CDC42: variants seen among roughly 807,000 people sequenced by gnomAD.
The protein encoded by CDC42 is cell division control protein 42 homolog.
In CDC42, 1 loss-of-function variant was observed where a neutral mutation model predicts 20.8. The observed-to-expected ratio is 0.05, with a 90% CI of 0.02 to 0.23. CDC42 has a LOEUF of 0.23. Among genes scored for constraint, CDC42 ranks in the 10% least tolerant of loss-of-function variants. The pLI is 1.00. For missense variants in CDC42, 49 were observed against 227.9 expected (o/e 0.21, Z 5.05); for synonymous variants, 72 against 84.8 (o/e 0.85, Z 0.83).
In CDC42 at chr1:22,073,499, A is replaced by G. The variant is rs12072869; in HGVS notation, c.-50-4930A>G. On this transcript the variant is annotated intron_variant, in intron 1 of 5. Coordinates refer to ENST00000656825, the MANE Select transcript of CDC42 (RefSeq NM_001791.4). ...GGTTGCAGTGAGCCGAGATCACGCC[A>G]TTGCACTCCAGCCTGGGTGACAGAG... 9.5e-3 allele frequency among the ~76,000 whole-genome samples: 1,436 copies of G among 151,710 alleles called. 22 individuals carry two copies. The highest frequency in any genetic ancestry group is 0.033 in the African/African-American group (1,352 of 41,358).
intron 3 of CDC42, among the ~76,000 whole-genome samples, chr1:22,085,251 A>AAAGAG (rs1330972273): frequency 6.7e-6 from 1 of 150,356 alleles, no homozygotes; most frequent in African/African-American, 2.4e-5. Context: ...AAAAAAAAGA[A>AAAGAG]AAATCATTTG....
Position 22,091,441 on chromosome 1 carries a change from A to C in CDC42, c.500A>C (p.Asn167Thr). The change falls in exon 6 of 6, where the codon AAT (asparagine) becomes ACT (threonine). Residue 167 changes from asparagine (N) to threonine (T), a missense_variant. Asn to Thr is a moderately conservative substitution (Grantham distance 65). Coordinates refer to ENST00000656825, the MANE Select transcript of CDC42 (RefSeq NM_001791.4). ...ACCCCTTTTCAGAAAGGCCTAAAGA[A>C]TGTATTTGACGAAGCAATATTGGCT... ...CSALTQKGLK[N>T]VFDEAILAAL... 6.2e-7 allele frequency: 1 copy of C among 1,612,632 alleles called. No individual in the cohort carries two copies. The highest frequency in any genetic ancestry group is 8.5e-7 in the Non-Finnish European group (1 of 1,178,890).
At chr1:22,071,734 C>T (rs1024533834) in intron 1 of CDC42, among the ~76,000 whole-genome samples, 1 of 152,168 alleles carries the variant, frequency 6.6e-6, no homozygotes, top group Non-Finnish European at 1.5e-5. Flanking sequence ...TCTCTTGATT[C>T]CTGTAGTGCC....
intron 1 of CDC42, among the ~76,000 whole-genome samples, chr1:22,065,689 A>G (rs1233068808): frequency 6.7e-6 from 1 of 149,500 alleles, no homozygotes; most frequent in Non-Finnish European, 1.5e-5. Context: ...AAGTGAAGTA[A>G]CTTGCCAGGA....
intron 1 of CDC42, among the ~76,000 whole-genome samples, chr1:22,062,121 A>G (rs760493644): frequency 6.6e-6 from 1 of 151,614 alleles, no homozygotes; most frequent in Non-Finnish European, 1.5e-5. Flanking sequence ...TTTTTAGTAG[A>G]CACGGGGTTT....
rs561129101 is a variant in CDC42, at chr1:22,077,933, C to T, written c.-50-496C>T. Among the ~76,000 whole-genome samples, 5 of 152,258 alleles carry T rather than the reference C, an allele frequency of 3.3e-5. No homozygotes were observed. In the South Asian group the frequency reaches 1.0e-3, roughly 32 times the overall value. ...TTCCTCACGTTACTCATATAATTAC[C>T]GTGTGATCGTGTGGTGCTCTGCTGC... On this transcript the variant is annotated intron_variant, in intron 1 of 5. Transcript: ENST00000656825.
At chr1:22,082,875 A>ATTTTTTTTTTTTTTTTTTTTTTTT (rs3036839) in intron 3 of CDC42, among the ~76,000 whole-genome samples, 17 of 140,212 alleles carry the variant, frequency 1.2e-4, no homozygotes, top group Non-Finnish European at 1.4e-4. Flanking sequence ...CACAGAGAAA[A>ATTTTTTTTTTTTTTTTTTTTTTTT]TTTTTATTTT....
At chr1:22,057,694 T>C (rs1392974218) in intron 1 of CDC42, among the ~76,000 whole-genome samples, 1 of 151,832 alleles carries the variant, frequency 6.6e-6, no homozygotes, top group Non-Finnish European at 1.5e-5. Context: ...CAAAAACATT[T>C]CTAAATGAAG....
rs34997919 is a variant in CDC42, at chr1:22,066,375, CA to C, written c.-50-12043del. Among the ~76,000 whole-genome samples, 692 of 136,934 alleles carry C rather than the reference CA, an allele frequency of 5.1e-3. 5 individuals carry two copies. Among genetic ancestry groups the C allele is most frequent in the African/African-American group, 0.017 (641 of 37,450 alleles). The allele number at this position is 136,934 out of a possible 152,430, so 89.8% of individuals were successfully genotyped here. A position where few individuals can be genotyped will look rare whatever the true frequency, so the allele number is the denominator to read the frequency against. ...AGGTGACAGAGTGATACCCTGTCTC[CA>C]AAAAAAAAAATCTATTAGAATAAAG... On this transcript the variant is annotated intron_variant, in intron 1 of 5. Coordinates refer to ENST00000656825, the MANE Select transcript of CDC42 (RefSeq NM_001791.4).
Position 22,091,758 on chromosome 1 carries a change from T to G in CDC42, c.*241T>G. ...GAAAAGTGATTAGTACTATTTTTTTTTGTTGTTTCAAAAAAAAAATTTTTG... is the reference window on the plus strand; with the variant it reads ...GAAAAGTGATTAGTACTATTTTTTTGTGTTGTTTCAAAAAAAAAATTTTTG... On this transcript the variant is annotated 3_prime_UTR_variant, in exon 6 of 6. Coordinates refer to ENST00000656825, the MANE Select transcript of CDC42 (RefSeq NM_001791.4). 3.4e-6 allele frequency: 1 copy of G among 293,804 alleles called. No homozygotes were observed. The highest frequency in any genetic ancestry group is 6.2e-6 in the Non-Finnish European group (1 of 161,722). The allele number at this position is 293,804 out of a possible 1,614,324, so 18.2% of individuals were successfully genotyped here. A position where few individuals can be genotyped will look rare whatever the true frequency, so the allele number is the denominator to read the frequency against.
Position 22,093,565 on chromosome 1 carries a change from G to A in CDC42, c.*2048G>A, listed in dbSNP as rs16826569. Among the ~76,000 whole-genome samples, 332 of 152,302 alleles carry A rather than the reference G, an allele frequency of 2.2e-3. 3 individuals are homozygous for A. The highest frequency in any genetic ancestry group is 7.6e-3 in the African/African-American group (315 of 41,556). On this transcript the variant is annotated 3_prime_UTR_variant, in exon 6 of 6. Transcript: ENST00000656825. ...GAACCCTTAAAATCAGTTAAGGTTG[G>A]TACACTGTGGCCTCATTTTGATAGT... is the stretch of plus-strand genomic sequence containing the variant.
chr1:22,071,374 C>T (rs955517083), intron 1 of CDC42, among the ~76,000 whole-genome samples: 9 of 152,088 alleles, frequency 5.9e-5, no homozygotes, highest in African/African-American at 2.2e-4. Flanking sequence ...ACATATAAGG[C>T]CAGCTGTATG....
chr1:22,052,726 C>G lies in CDC42; in HGVS notation c.-67C>G, dbSNP rs1005512728. On this transcript the variant is annotated 5_prime_UTR_variant, in exon 1 of 6. Coordinates refer to ENST00000656825, the MANE Select transcript of CDC42 (RefSeq NM_001791.4). Reference sequence around the variant, plus strand: ...GACCCCGCGCAGTGCTGCCAACGCCCCGGTGGAGAAGCTGAGGTGAGTGCG... The same window carrying G: ...GACCCCGCGCAGTGCTGCCAACGCCGCGGTGGAGAAGCTGAGGTGAGTGCG... 1.3e-5 allele frequency: 2 copies of G among 152,826 alleles called. No individual in the cohort carries two copies. The highest frequency in any genetic ancestry group is 2.9e-5 in the Non-Finnish European group (2 of 68,158). 9.5% of individuals were successfully genotyped at this position (152,826 alleles called of 1,614,324 possible).
At position 22,099,787 on chromosome 1, in the gene CDC42, T is replaced by C. The variant is rs1301147396; in HGVS notation, c.*8270T>C. 6.6e-6 allele frequency among the ~76,000 whole-genome samples: 1 copy of C among 152,126 alleles called. No individual in the cohort carries two copies. The highest frequency in any genetic ancestry group is 2.4e-5 in the African/African-American group (1 of 41,420). On this transcript the variant is annotated 3_prime_UTR_variant, in exon 6 of 6. Transcript: ENST00000656825. ...TTTGGTCCTTCTTAAAATTTGAGTGTTTATTCTCTACATGGCACTCTTTTA... is the reference window on the plus strand; with the variant it reads ...TTTGGTCCTTCTTAAAATTTGAGTGCTTATTCTCTACATGGCACTCTTTTA...
intron 3 of CDC42, 73 bp from the exon 4 acceptor site, chr1:22,086,366 A>C: frequency 4.0e-5 from 35 of 879,108 alleles, no homozygotes; most frequent in Non-Finnish European, 5.1e-5. Flanking sequence ...AGTAATGACC[A>C]GCATGCTTTT....
chr1:22,096,260 A>G lies in CDC42; in HGVS notation c.*4743A>G, dbSNP rs894863969. 4.0e-5 allele frequency among the ~76,000 whole-genome samples: 6 copies of G among 151,226 alleles called. No individual in the cohort carries two copies. Among genetic ancestry groups the G allele is most frequent in the Non-Finnish European group, 7.4e-5 (5 of 67,924 alleles). On this transcript the variant is annotated 3_prime_UTR_variant, in exon 6 of 6. Coordinates refer to ENST00000656825, the MANE Select transcript of CDC42 (RefSeq NM_001791.4). ...AGGCATGAGTCACTGCGCCCGGCCT[A>G]TTCATTCATTCTTACAGTGAATTAG...
chr1:22,060,007 TA>T (rs1645345777), intron 1 of CDC42, among the ~76,000 whole-genome samples: 1 of 152,168 alleles, frequency 6.6e-6, no homozygotes, highest in Admixed American at 6.5e-5. Context: ...CTCTGTGTCT[TA>T]AGTGGCCATT....
intron 2 of CDC42, chr1:22,078,994 C>G (rs1019983855): frequency 4.2e-6 from 2 of 471,948 alleles, no homozygotes; most frequent in African/African-American, 4.2e-5. Flanking sequence ...GTATGTGTCT[C>G]CACTTTTCTT....
chr1:22,060,194 T>C (rs139140189), intron 1 of CDC42, among the ~76,000 whole-genome samples: 5 of 151,896 alleles, frequency 3.3e-5, no homozygotes, highest in Admixed American at 2.6e-4. Flanking sequence ...ATACAAAAAT[T>C]AGCCATGGTG....
Sources: allele counts gnomAD v4.1 joint callset (sites outside exome capture counted in the v4.1 genomes callset), GRCh38; gene constraint gnomAD v4.1.1; transcripts MANE v1.5; gene names NCBI Gene and HGNC (gene_info 2026-07-23, HGNC 2026-07-21).